NQO2: variants seen among roughly 807,000 people sequenced by gnomAD.
NQO2 encodes N-ribosyldihydronicotinamide:quinone dehydrogenase 2.
In NQO2, 18 loss-of-function variants were observed where a neutral mutation model predicts 22.0. The ratio of observed to expected loss-of-function variants is 0.82; its 90% CI spans 0.56 to 1.21. The LOEUF (loss-of-function observed/expected upper bound fraction) is 1.21, where lower values mean the gene tolerates loss of function less well. Among genes scored for constraint, NQO2 ranks in the 50% most tolerant of loss-of-function variants. The pLI, the probability that NQO2 is intolerant of heterozygous loss-of-function variation, is 0.00. For missense variants in NQO2, 267 were observed against 286.9 expected, an observed-to-expected ratio of 0.93 and a Z score of 0.50; for synonymous variants, 106 against 110.8, an observed-to-expected ratio of 0.96 and a Z score of 0.28.
At chr6:3,004,347 G>A (rs1237534863) in intron 1 of NQO2, 1 of 985,364 alleles carries the variant, frequency 1.0e-6, no homozygotes, top group Admixed American at 6.1e-5. Context: ...GAATGGGGAA[G>A]GATTTGAAGT....
chr6:3,001,176 G>C (rs2113424074), intron 1 of NQO2, among the ~76,000 whole-genome samples: 1 of 148,768 alleles, frequency 6.7e-6, no homozygotes, highest in South Asian at 2.1e-4. Flanking sequence ...TGCAACCTCT[G>C]CCTCCCGGGT....
intron 6 of NQO2, among the ~76,000 whole-genome samples, chr6:3,017,565 G>C (rs1026467454): frequency 1.3e-5 from 2 of 152,190 alleles, no homozygotes; most frequent in Non-Finnish European, 2.9e-5. Context: ...GGGACCTCTT[G>C]GTGCCTGCGT....
chr6:3,014,186 C>A (rs1278623463), intron 4 of NQO2, among the ~76,000 whole-genome samples: 1 of 152,196 alleles, frequency 6.6e-6, no homozygotes, highest in African/African-American at 2.4e-5. Context: ...ATAAAAGCAA[C>A]CTGCATGTGC....
intron 2 of NQO2, among the ~76,000 whole-genome samples, chr6:3,008,355 G>A (rs971084680): frequency 5.3e-5 from 8 of 151,578 alleles, no homozygotes; most frequent in African/African-American, 1.7e-4. Flanking sequence ...GGAGGCAGAG[G>A]TTGCAGTGAG....
chr6:3,019,507 A>G lies in NQO2; in HGVS notation c.548A>G (p.Lys183Arg). 6.2e-7 allele frequency: 1 copy of G among 1,614,036 alleles called. No individual in the cohort carries two copies. Among genetic ancestry groups the G allele is most frequent in the Non-Finnish European group, 8.5e-7 (1 of 1,179,962 alleles). ...GGCACATTACACTTCTGTGGATTTAAAGTCCTTGCCCCTCAGATCAGCTTT... is the reference window on the plus strand; with the variant it reads ...GGCACATTACACTTCTGTGGATTTAGAGTCCTTGCCCCTCAGATCAGCTTT... ...QHGTLHFCGF[K>R]VLAPQISFAP... The change falls in exon 7 of 7, where the codon AAA becomes AGA. Residue 183 changes from lysine (K) to arginine (R), a missense_variant. Transcript: ENST00000380455.
At chr6:3,001,119 C>T (rs1415282535) in intron 1 of NQO2, among the ~76,000 whole-genome samples, 3 of 124,172 alleles carry the variant, frequency 2.4e-5, no homozygotes, top group East Asian at 2.4e-4. Flanking sequence ...GATGGAGTTT[C>T]ACTCTTATTG....
chr6:3,009,901 A>C (rs1336451699), intron 2 of NQO2, 124 bp from the exon 3 acceptor site: 61 of 1,430,814 alleles, frequency 4.3e-5, no homozygotes, highest in Non-Finnish European at 5.5e-5. Flanking sequence ...AGAAAAGAAA[A>C]TTTGATATTT....
intron 4 of NQO2, 135 bp from the exon 5 acceptor site, chr6:3,015,395 A>G: frequency 6.8e-7 from 1 of 1,470,092 alleles, no homozygotes; most frequent in Non-Finnish European, 9.0e-7. Context: ...AGCTGACCAT[A>G]AGGGTTACCC....
intron 4 of NQO2, among the ~76,000 whole-genome samples, chr6:3,013,761 A>G (rs1757226849): frequency 6.6e-6 from 1 of 152,184 alleles, no homozygotes; most frequent in Non-Finnish European, 1.5e-5. Flanking sequence ...CTGGCAGCAG[A>G]GTACGCACAT....
intron 1 of NQO2, chr6:3,004,700 G>C: frequency 1.0e-6 from 1 of 955,250 alleles, no homozygotes; most frequent in South Asian, 4.8e-5. Context: ...TTGTTTTGCT[G>C]TAAAGACACA....
intron 2 of NQO2, 114 bp from the exon 3 acceptor site, chr6:3,009,911 T>A: frequency 1.3e-5 from 19 of 1,448,418 alleles, no homozygotes; most frequent in Non-Finnish European, 1.6e-5. Flanking sequence ...ATTTGATATT[T>A]CTTAGCTTCA....
At chr6:3,007,902 G>T (rs1757002767) in intron 2 of NQO2, among the ~76,000 whole-genome samples, 1 of 152,360 alleles carries the variant, frequency 6.6e-6, no homozygotes, top group South Asian at 2.1e-4. Context: ...CAAATGTAGG[G>T]TTAGCATGGA....
chr6:3,015,065 G>A, intron 4 of NQO2: 1 of 1,284,678 alleles, frequency 7.8e-7, no homozygotes, highest in Non-Finnish European at 1.0e-6. Context: ...TCTTAGCGCT[G>A]GTCTAAGGAA....
Position 3,006,344 on chromosome 6 carries a change from C to A in NQO2, c.-85-124C>A, listed in dbSNP as rs548200952. 85 of 1,389,232 alleles carry A rather than the reference C, an allele frequency of 6.1e-5. No homozygotes were observed. The African/African-American group carries it at 1.2e-3, about 20-fold the overall frequency. The allele number at this position is 1,389,232 out of a possible 1,614,324, so 86.1% of individuals were successfully genotyped here. A position where few individuals can be genotyped will look rare whatever the true frequency, so the allele number is the denominator to read the frequency against. ...AATCTCCAGAAGATTCCTGGCCTCT[C>A]TTGAGAGGTCTTTCTCTGATGTGTT... On this transcript the variant is annotated intron_variant, in intron 1 of 6. Transcript: ENST00000380455. The surrounding 1 kb of genome is among the most constrained non-coding windows in gnomAD (Gnocchi z 4.0).
At chr6:3,003,393 A>G (rs1194019662) in intron 1 of NQO2, 2 of 344,386 alleles carry the variant, frequency 5.8e-6, no homozygotes, top group Non-Finnish European at 8.2e-6. Context: ...CCAGGATTTC[A>G]GCCTCAGTGC....
chr6:3,001,734 A>G (rs1013991268), intron 1 of NQO2, among the ~76,000 whole-genome samples: 4 of 152,232 alleles, frequency 2.6e-5, no homozygotes, highest in Non-Finnish European at 2.9e-5. Context: ...CTTAAAATTA[A>G]ATAATGTACA....
At chr6:3,004,746 C>T (rs368326091) in intron 1 of NQO2, 4 of 575,672 alleles carry the variant, frequency 6.9e-6, no homozygotes, top group South Asian at 1.5e-4. Context: ...ACACAACATG[C>T]GCGATGCGTG....
chr6:3,012,312 A>G, intron 3 of NQO2: 1 of 817,280 alleles, frequency 1.2e-6, no homozygotes, highest in Non-Finnish European at 1.5e-6. Flanking sequence ...GTTATGAAGA[A>G]AGGTGATGTG....
intron 4 of NQO2, 103 bp downstream of exon 4, chr6:3,012,777 T>C (rs894473404): frequency 1.3e-5 from 15 of 1,172,106 alleles, no homozygotes; most frequent in Non-Finnish European, 1.8e-5. Flanking sequence ...CATCAATGTT[T>C]TGAGCACAGT....
Sources: gnomAD v4.1 joint callset for allele counts (sites outside exome capture counted in the v4.1 genomes callset) on GRCh38, gnomAD v4.1.1 for gene constraint, Gnocchi (gnomAD v3.1) non-coding constraint, MANE v1.5 for transcripts, NCBI Gene and HGNC (gene_info 2026-07-23, HGNC 2026-07-21) for gene names.